Variants in SLC36A1 observed in about 807,000 individuals in gnomAD.
The protein encoded by SLC36A1 is proton-coupled amino acid transporter 1.
A neutral mutation model predicts 47.5 loss-of-function variants in SLC36A1; 30 were observed. The ratio of observed to expected loss-of-function variants is 0.63; its 90% CI spans 0.47 to 0.86. The LOEUF is 0.86. Ranked by LOEUF, SLC36A1 falls within the 40% of genes least tolerant of loss-of-function variation. SLC36A1 has a pLI of 0.00. For synonymous variants in SLC36A1, 255 were observed against 249.7 expected, an observed-to-expected ratio of 1.02 and a Z score of -0.20; for missense variants, 517 against 606.0, an observed-to-expected ratio of 0.85 and a Z score of 1.54.
the SLC36A1 span, among the ~76,000 whole-genome samples, chr5:151,360,142 T>A: frequency 6.6e-6 from 1 of 152,210 alleles, no homozygotes; most frequent in Admixed American, 6.5e-5. Flanking sequence ...CTTAAAGTGG[T>A]GGATCCTCAA....
chr5:151,400,628 G>A, the SLC36A1 span, among the ~76,000 whole-genome samples: 1 of 152,132 alleles, frequency 6.6e-6, no homozygotes, highest in Non-Finnish European at 1.5e-5. Flanking sequence ...CACCAACAGT[G>A]TATAAGTATC....
the SLC36A1 span, among the ~76,000 whole-genome samples, chr5:151,534,910 C>T: frequency 6.8e-6 from 1 of 146,958 alleles, no homozygotes; most frequent in Non-Finnish European, 1.5e-5. Context: ...GCCAATTAGG[C>T]AATTTCTAAC....
At chr5:151,384,154 T>C in the SLC36A1 span, among the ~76,000 whole-genome samples, 1 of 152,198 alleles carries the variant, frequency 6.6e-6, no homozygotes, top group Non-Finnish European at 1.5e-5. Flanking sequence ...CTGCATAACA[T>C]GTTGCACCCT....
chr5:151,397,764 CAA>C, the SLC36A1 span, among the ~76,000 whole-genome samples: 501 of 44,300 alleles, frequency 0.011, no homozygotes, highest in African/African-American at 0.039. Context: ...AACTCCAACT[CAA>C]AAAAAAAAAA....
intron 2 of SLC36A1, 70 bp downstream of exon 2, chr5:151,459,005 T>TC (rs1214717697): frequency 6.0e-6 from 9 of 1,493,108 alleles, no homozygotes; most frequent in Admixed American, 1.9e-5. Flanking sequence ...GACTTATTTT[T>TC]CCCCCCAATT....
rs1214993749 is a variant in SLC36A1 at position 151,488,521 on chromosome 5, A to T, written c.*267A>T. 2.1e-6 allele frequency: 1 copy of T among 477,130 alleles called. No individual in the cohort carries two copies. Among genetic ancestry groups the T allele is most frequent in the Admixed American group, 3.6e-5 (1 of 27,866 alleles). The allele number at this position is 477,130 out of a possible 1,614,324, so 29.6% of individuals were successfully genotyped here. A position where few individuals can be genotyped will look rare whatever the true frequency, so the allele number is the denominator to read the frequency against. On this transcript the variant is annotated 3_prime_UTR_variant, in exon 11 of 11. Transcript: ENST00000243389. ...ACCCAGAACTTTCCAGCTCCCCCTC[A>T]TCATGCCTCCTCCTTCCTACCTGCC...
At chr5:151,422,611 C>G in the SLC36A1 span, among the ~76,000 whole-genome samples, 1 of 151,972 alleles carries the variant, frequency 6.6e-6, no homozygotes, top group East Asian at 1.9e-4. Flanking sequence ...GCCTGTAGTC[C>G]CAGCTACTTG....
the SLC36A1 span, among the ~76,000 whole-genome samples, chr5:151,397,877 G>A: frequency 6.6e-6 from 1 of 152,126 alleles, no homozygotes. Flanking sequence ...AGTGCTTTGG[G>A]AGGCCAAGGT....
the SLC36A1 span, chr5:151,378,341 T>G: frequency 5.2e-6 from 1 of 193,562 alleles, no homozygotes; most frequent in East Asian, 1.2e-4. Flanking sequence ...CCTCCTCGTC[T>G]GTTAAATCCT....
chr5:151,550,471 C>T, the SLC36A1 span: 41 of 1,178,908 alleles, frequency 3.5e-5, no homozygotes, highest in East Asian at 8.8e-4. Flanking sequence ...AATGTCACAA[C>T]TCTGTCTCGT....
chr5:151,545,127 G>A, the SLC36A1 span: 29 of 1,614,014 alleles, frequency 1.8e-5, no homozygotes, highest in Middle Eastern at 3.3e-4. Context: ...AGTAGGAAAG[G>A]GTGTCATTCA....
At chr5:151,499,963 C>G in the SLC36A1 span, among the ~76,000 whole-genome samples, 1 of 152,154 alleles carries the variant, frequency 6.6e-6, no homozygotes, top group Non-Finnish European at 1.5e-5. Context: ...GTTGCTGTGC[C>G]ACTCTTAAGG....
chr5:151,397,721 G>A, the SLC36A1 span, among the ~76,000 whole-genome samples: 69 of 119,420 alleles, frequency 5.8e-4, no homozygotes, highest in Middle Eastern at 8.1e-3. Flanking sequence ...CTGAGATCAC[G>A]CCATCCCACT....
the SLC36A1 span, among the ~76,000 whole-genome samples, chr5:151,348,358 T>C: frequency 6.6e-6 from 1 of 152,144 alleles, no homozygotes; most frequent in Non-Finnish European, 1.5e-5. Context: ...TCTCTGTCAT[T>C]ATCTCTGCTT....
the SLC36A1 span, among the ~76,000 whole-genome samples, chr5:151,393,088 G>C: frequency 6.6e-6 from 1 of 151,454 alleles, no homozygotes; most frequent in Non-Finnish European, 1.5e-5. Context: ...GGGTGCTCCT[G>C]TATTGGGTGC....
At chr5:151,357,607 A>G in the SLC36A1 span, among the ~76,000 whole-genome samples, 1 of 152,228 alleles carries the variant, frequency 6.6e-6, no homozygotes, top group Admixed American at 6.5e-5. Context: ...GTTTTATTGG[A>G]ACTCAGGATG....
Position 151,457,843 on chromosome 5 carries a change from GT to G in SLC36A1, c.-5-943del, listed in dbSNP as rs1754796087. On this transcript the variant is annotated intron_variant, in intron 1 of 10. Transcript: ENST00000243389. ...GGGGATTTCTGTTTTCTTTTTTTTT[GT>G]TGTTTGTTTGTTTTTTTTTTTGAGA... is the stretch of plus-strand genomic sequence containing the variant. Among the ~76,000 whole-genome samples, 3 of 129,356 alleles carry G rather than the reference GT, an allele frequency of 2.3e-5. No individual in the cohort carries two copies. The South Asian group carries it at 9.1e-4, about 39-fold the overall frequency. 84.9% of individuals were successfully genotyped at this position (129,356 alleles called of 152,430 possible).
the SLC36A1 span, among the ~76,000 whole-genome samples, chr5:151,375,866 A>G: frequency 6.6e-6 from 1 of 152,190 alleles, no homozygotes; most frequent in African/African-American, 2.4e-5. Flanking sequence ...TGCTGAATTC[A>G]TTAATCAAAC....
chr5:151,550,564 C>A, the SLC36A1 span: 1 of 1,612,510 alleles, frequency 6.2e-7, no homozygotes, highest in African/African-American at 1.3e-5. Flanking sequence ...CAAACGTATT[C>A]TCACCAGATT....
Sources: gnomAD v4.1 joint callset for allele counts (sites outside exome capture counted in the v4.1 genomes callset) on GRCh38, gnomAD v4.1.1 for gene constraint, MANE v1.5 for transcripts, NCBI Gene and HGNC (gene_info 2026-07-23, HGNC 2026-07-21) for gene names.